The following CORIN variants were observed in gnomAD, a reference collection of about 807,000 sequenced individuals.
CORIN encodes atrial natriuretic peptide-converting enzyme.
A neutral mutation model predicts 125.3 loss-of-function variants in CORIN; 117 were observed. That is an observed-to-expected ratio of 0.93 (90% confidence interval 0.80 to 1.09). The LOEUF (loss-of-function observed/expected upper bound fraction) is 1.09. CORIN is among the 50% of genes least tolerant of loss of function. The pLI is 0.00. For synonymous variants in CORIN, 450 were observed against 466.4 expected (o/e 0.96, Z 0.45); for missense variants, 1,253 against 1,306.7 (o/e 0.96, Z 0.63).
chr4:47,659,271 C>T (rs188170920), intron 12 of CORIN, among the ~76,000 whole-genome samples: 1 of 152,240 alleles, frequency 6.6e-6, no homozygotes, highest in African/African-American at 2.4e-5. Flanking sequence ...ACTCTTCCAA[C>T]CCCTGCCTGT....
intron 8 of CORIN, among the ~76,000 whole-genome samples, chr4:47,679,190 C>G (rs1725151808): frequency 6.6e-6 from 1 of 152,126 alleles, no homozygotes; most frequent in South Asian, 2.1e-4. Flanking sequence ...CTCTTAAGAC[C>G]TGACAGCTTC....
chr4:47,832,683 G>T (rs1462404819), intron 1 of CORIN, among the ~76,000 whole-genome samples: 1 of 151,938 alleles, frequency 6.6e-6, no homozygotes, highest in African/African-American at 2.4e-5. Flanking sequence ...CTGACCTCAG[G>T]TGATCCATCT....
chr4:47,835,235 C>T (rs909764871), intron 1 of CORIN, among the ~76,000 whole-genome samples: 23 of 152,188 alleles, frequency 1.5e-4, no homozygotes, highest in African/African-American at 5.1e-4. Context: ...CTTTAGCCAG[C>T]CAGCCTCATT....
rs140581939 is a variant in CORIN, at chr4:47,769,107, C to T, written c.410-5521G>A. Among the ~76,000 whole-genome samples the T allele has an allele frequency of 4.6e-5, 7 of 152,172 alleles. No individual in the cohort carries two copies. In the East Asian group the frequency reaches 1.2e-3, roughly 25 times the overall value. On this transcript the variant is annotated intron_variant, in intron 3 of 21. Transcript: ENST00000273857. ...ACAAGGAAACCTGTTAGAATAAGCA[C>T]ATTCAGAAAAGTAGTAAAAGTAGTA...
chr4:47,815,156 T>C (rs977831902), intron 1 of CORIN, among the ~76,000 whole-genome samples: 2 of 152,150 alleles, frequency 1.3e-5, no homozygotes, highest in African/African-American at 4.8e-5. Context: ...TATAAAGTCA[T>C]CTTCCATTCT....
intron 4 of CORIN, among the ~76,000 whole-genome samples, chr4:47,758,625 T>A (rs571435500): frequency 6.6e-6 from 1 of 152,300 alleles, no homozygotes; most frequent in East Asian, 1.9e-4. Context: ...CCAAATCTCA[T>A]CTTAAATTGT....
intron 21 of CORIN, among the ~76,000 whole-genome samples, chr4:47,597,258 A>T (rs1028702999): frequency 6.6e-6 from 1 of 151,692 alleles, no homozygotes; most frequent in Admixed American, 6.6e-5. Context: ...AGGCTGAGGC[A>T]GGAGAATCCC....
chr4:47,773,216 A>G (rs1730141432), intron 3 of CORIN, among the ~76,000 whole-genome samples: 1 of 152,218 alleles, frequency 6.6e-6, no homozygotes, highest in Non-Finnish European at 1.5e-5. Context: ...TGGTAAAAAT[A>G]AATTCTATAA....
At chr4:47,814,370 G>C (rs12508460) in intron 1 of CORIN, among the ~76,000 whole-genome samples, 1 of 151,970 alleles carries the variant, frequency 6.6e-6, no homozygotes, top group Non-Finnish European at 1.5e-5. Context: ...TGTGATTTGT[G>C]TTCTTTTTTC....
chr4:47,813,467 T>C (rs992050020), intron 1 of CORIN, among the ~76,000 whole-genome samples: 1 of 152,206 alleles, frequency 6.6e-6, no homozygotes, highest in Admixed American at 6.5e-5. Flanking sequence ...TCAGAGAAAT[T>C]GTCTACAAAG....
intron 5 of CORIN, among the ~76,000 whole-genome samples, chr4:47,700,174 T>C (rs533702311): frequency 1.3e-5 from 2 of 152,354 alleles, no homozygotes; most frequent in East Asian, 3.9e-4. Context: ...GAACACTTAG[T>C]TCTGAATGTA....
intron 3 of CORIN, among the ~76,000 whole-genome samples, chr4:47,764,337 C>G (rs1729608780): frequency 6.6e-6 from 1 of 152,186 alleles, no homozygotes; most frequent in Non-Finnish European, 1.5e-5. Context: ...CTTTTGGGCG[C>G]CACCATATCC....
chr4:47,668,535 T>C (rs1433365129), intron 10 of CORIN, among the ~76,000 whole-genome samples: 1 of 152,246 alleles, frequency 6.6e-6, no homozygotes, highest in East Asian at 1.9e-4. Flanking sequence ...GCTTTTTTCC[T>C]GATATCTTTA....
chr4:47,701,685 G>A (rs2109759310), intron 5 of CORIN, among the ~76,000 whole-genome samples: 1 of 151,678 alleles, frequency 6.6e-6, no homozygotes, highest in East Asian at 1.9e-4. Context: ...TTAAAAAGTA[G>A]AAAGTTTTTT....
intron 4 of CORIN, among the ~76,000 whole-genome samples, chr4:47,757,867 C>CATATATATGTATATATATATATATAT (rs1729230620): frequency 1.1e-5 from 1 of 91,746 alleles, no homozygotes; most frequent in African/African-American, 4.9e-5. Context: ...CATATATATA[C>CATATATATGTATATATATATATATAT]ATATATATAT....
intron 16 of CORIN, among the ~76,000 whole-genome samples, chr4:47,633,254 TAAAC>T (rs976926913): frequency 1.3e-5 from 2 of 152,126 alleles, no homozygotes; most frequent in African/African-American, 2.4e-5. Flanking sequence ...AATAAACTAA[TAAAC>T]AAAACTAAAT....
At chr4:47,649,373 C>G (rs1314967604) in intron 13 of CORIN, among the ~76,000 whole-genome samples, 1 of 152,196 alleles carries the variant, frequency 6.6e-6, no homozygotes, top group East Asian at 1.9e-4. Flanking sequence ...CCTGACAGAC[C>G]AGCCCACTCT....
chr4:47,697,465 G>C (rs1726072428), intron 5 of CORIN, among the ~76,000 whole-genome samples: 1 of 152,190 alleles, frequency 6.6e-6, no homozygotes, highest in African/African-American at 2.4e-5. Flanking sequence ...TGTAATCCCA[G>C]CACTTTGGAA....
At chr4:47,762,081 T>C (rs1487249026) in intron 4 of CORIN, among the ~76,000 whole-genome samples, 1 of 152,128 alleles carries the variant, frequency 6.6e-6, no homozygotes, top group Non-Finnish European at 1.5e-5. Context: ...TATATGTATG[T>C]GTCTGTATAT....
Sources: allele counts gnomAD v4.1 joint callset (sites outside exome capture counted in the v4.1 genomes callset), GRCh38; gene constraint gnomAD v4.1.1; transcripts MANE v1.5; gene names NCBI Gene and HGNC (gene_info 2026-07-23, HGNC 2026-07-21).